Variants in MAPK10 observed in about 807,000 individuals in gnomAD.
MAPK10 encodes the protein mitogen-activated protein kinase 10.
A neutral mutation model predicts 59.3 loss-of-function variants in MAPK10; 25 were observed. The observed-to-expected ratio is 0.42, with a 90% CI of 0.31 to 0.59. The LOEUF (loss-of-function observed/expected upper bound fraction) is 0.59. Ranked by LOEUF, MAPK10 falls within the 20% of genes least tolerant of loss-of-function variation. MAPK10 has a pLI of 0.15. For missense variants in MAPK10, 351 were observed against 568.9 expected (o/e 0.62, Z 3.90); for synonymous variants, 190 against 200.5 (o/e 0.95, Z 0.44).
chr4:86,534,949 AAG>A (rs952132878), intron 1 of MAPK10, among the ~76,000 whole-genome samples: 30 of 152,122 alleles, frequency 2.0e-4, no homozygotes, highest in African/African-American at 7.0e-4. Context: ...AATAAATAAA[AAG>A]CTGATTTTTA....
chr4:86,444,703 C>A (rs529206119), intron 1 of MAPK10, among the ~76,000 whole-genome samples: 1 of 148,902 alleles, frequency 6.7e-6, no homozygotes. Flanking sequence ...CTACAGGGGA[C>A]TTAAACAAAT....
intron 1 of MAPK10, chr4:86,356,795 C>A (rs961217122): frequency 6.6e-6 from 1 of 152,084 alleles, no homozygotes; most frequent in Non-Finnish European, 1.5e-5. Flanking sequence ...TAAATATATC[C>A]AATATGCCAA....
At chr4:86,360,249 T>C (rs975600213), upstream of MAPK10, 2 of 981,372 alleles carry the variant, frequency 2.0e-6, no homozygotes, top group Non-Finnish European at 2.4e-6. Context: ...TGTAAAGGAA[T>C]AAGGTTCGTC....
chr4:86,395,747 G>T (rs1564794932), intron 1 of MAPK10, among the ~76,000 whole-genome samples: 1 of 152,172 alleles, frequency 6.6e-6, no homozygotes, highest in African/African-American at 2.4e-5. Context: ...ACTGGTGAGG[G>T]TTCTCTTCCT....
At chr4:86,525,348 G>A (rs538509236) in intron 1 of MAPK10, among the ~76,000 whole-genome samples, 3 of 152,204 alleles carry the variant, frequency 2.0e-5, no homozygotes, top group African/African-American at 7.2e-5. Flanking sequence ...AATACAGAGT[G>A]CTAAAATTCA....
chr4:86,565,182 A>G (rs1760974790), intron 1 of MAPK10, among the ~76,000 whole-genome samples: 1 of 152,202 alleles, frequency 6.6e-6, no homozygotes, highest in Admixed American at 6.5e-5. Flanking sequence ...TTATCTATAT[A>G]TGAATTCACT....
At chr4:86,306,972 C>T (rs972194483) in intron 2 of MAPK10, among the ~76,000 whole-genome samples, 19 of 152,100 alleles carry the variant, frequency 1.2e-4, no homozygotes, top group Non-Finnish European at 1.9e-4. Flanking sequence ...AATTCAAGCA[C>T]GGGTCTAGTG....
At chr4:86,499,220 A>G (rs1233835832) in intron 1 of MAPK10, among the ~76,000 whole-genome samples, 1 of 152,208 alleles carries the variant, frequency 6.6e-6, no homozygotes, top group Non-Finnish European at 1.5e-5. Context: ...ACTCATATAG[A>G]GCACAGGATA....
chr4:86,502,441 A>C (rs1168236613), intron 1 of MAPK10, among the ~76,000 whole-genome samples: 3 of 152,012 alleles, frequency 2.0e-5, no homozygotes, highest in Admixed American at 2.0e-4. Flanking sequence ...CCTTAGCTTT[A>C]CTTTGCATTG....
At chr4:86,311,383 C>T (rs2095666574) in intron 2 of MAPK10, among the ~76,000 whole-genome samples, 1 of 152,048 alleles carries the variant, frequency 6.6e-6, no homozygotes, top group African/African-American at 2.4e-5. Context: ...TTTAATGGCA[C>T]TGATCTTACA....
At chr4:86,274,099 A>G (rs1239263533) in intron 2 of MAPK10, among the ~76,000 whole-genome samples, 2 of 152,054 alleles carry the variant, frequency 1.3e-5, no homozygotes, top group Non-Finnish European at 2.9e-5. Context: ...ATTTGTCTTA[A>G]GCTGAAAATG....
At position 86,244,833 on chromosome 4, in the gene MAPK10, G is replaced by C. The variant is rs78934433; in HGVS notation, c.-6-50426C>G. Reference sequence around the variant, plus strand: ...ATTCTCACATTTTTTATTTTGAATTGCATCATGTGATCTCTTTGAGTCTGA... The same window carrying C: ...ATTCTCACATTTTTTATTTTGAATTCCATCATGTGATCTCTTTGAGTCTGA... On this transcript the variant is annotated intron_variant, in intron 2 of 13. Coordinates refer to ENST00000641462, the MANE Select transcript of MAPK10 (RefSeq NM_138982.4). 6.4e-3 allele frequency among the ~76,000 whole-genome samples: 973 copies of C among 152,238 alleles called. 12 individuals carry two copies. The highest frequency in any genetic ancestry group is 0.022 in the African/African-American group (919 of 41,538).
intron 2 of MAPK10, among the ~76,000 whole-genome samples, chr4:86,217,314 A>G (rs1456111324): frequency 1.3e-5 from 2 of 152,208 alleles, no homozygotes; most frequent in Non-Finnish European, 2.9e-5. Context: ...ATTAATATAG[A>G]GAAATAAGAT....
chr4:86,424,610 G>A (rs1473710927), intron 1 of MAPK10, among the ~76,000 whole-genome samples: 1 of 152,054 alleles, frequency 6.6e-6, no homozygotes, highest in Non-Finnish European at 1.5e-5. Flanking sequence ...CTCAATTTGG[G>A]CTTCACCCTG....
chr4:86,025,788 A>T (rs1014093900), intron 13 of MAPK10, among the ~76,000 whole-genome samples: 1 of 152,208 alleles, frequency 6.6e-6, no homozygotes, highest in Non-Finnish European at 1.5e-5. Flanking sequence ...TTTCTCAGCT[A>T]CAAGTTATTC....
intron 10 of MAPK10, chr4:86,065,157 C>T (rs1393849908): frequency 6.6e-6 from 1 of 152,156 alleles, no homozygotes; most frequent in Non-Finnish European, 1.5e-5. Context: ...AAAGATCCTC[C>T]CACCTCAGCC....
Position 86,172,172 on chromosome 4 carries a change from C to G in MAPK10, c.67-12705G>C, listed in dbSNP as rs1287541145. Among the ~76,000 whole-genome samples the G allele has an allele frequency of 2.4e-3, 335 of 139,070 alleles. 1 individual carries two copies. Among genetic ancestry groups the G allele is most frequent in the Middle Eastern group, 0.01 (3 of 288 alleles). 91.2% of individuals were successfully genotyped at this position (139,070 alleles called of 152,430 possible). On this transcript the variant is annotated intron_variant, in intron 3 of 13. Transcript: ENST00000641462. ...ATTGTGGAAGTCAGTGTGGCGATTC[C>G]TCAGGGATCTAGAACTAGAAATACC...
chr4:86,483,064 A>G (rs1753723295), intron 1 of MAPK10, among the ~76,000 whole-genome samples: 1 of 152,200 alleles, frequency 6.6e-6, no homozygotes, highest in African/African-American at 2.4e-5. Flanking sequence ...CAAAACATTT[A>G]AATTGTGTCC....
chr4:86,422,879 T>C (rs958899460), intron 1 of MAPK10, among the ~76,000 whole-genome samples: 6 of 152,166 alleles, frequency 3.9e-5, no homozygotes, highest in African/African-American at 1.4e-4. Context: ...GCAAAACACA[T>C]TAAGGAGAGC....
Sources: allele counts gnomAD v4.1 joint callset (sites outside exome capture counted in the v4.1 genomes callset), GRCh38; gene constraint gnomAD v4.1.1; transcripts MANE v1.5; gene names NCBI Gene and HGNC (gene_info 2026-07-23, HGNC 2026-07-21).